The following CSGALNACT1 variants were observed in gnomAD, a reference collection of about 807,000 sequenced individuals.
The protein encoded by CSGALNACT1 is beta4GalNAcT-1.
Under a neutral mutation model 51.0 loss-of-function variants are expected in CSGALNACT1, and 52 were observed. That is an observed-to-expected ratio of 1.02 (90% confidence interval 0.82 to 1.29). The LOEUF is 1.29. Among genes scored for constraint, CSGALNACT1 ranks in the 50% most tolerant of loss-of-function variants. The pLI is 0.00. For missense variants in CSGALNACT1, 935 were observed against 679.2 expected (o/e 1.38, Z -4.19); for synonymous variants, 341 against 254.4 (o/e 1.34, Z -3.24).
intron 1 of CSGALNACT1, among the ~76,000 whole-genome samples, chr8:19,633,526 A>G (rs1392626342): frequency 6.6e-6 from 1 of 152,196 alleles, no homozygotes; most frequent in Non-Finnish European, 1.5e-5. Flanking sequence ...CCATATGGCT[A>G]TTGTCCTCTT....
chr8:19,469,081 T>C lies in CSGALNACT1; in HGVS notation c.635-10439A>G, dbSNP rs1246375950. On this transcript the variant is annotated intron_variant, in intron 4 of 9. Transcript: ENST00000454498. ...TGCCAACCACTGCACCAAGGTTAAC[T>C]AAGATAAGGATGAAATTGGCCCACT... Among the ~76,000 whole-genome samples, 7 of 152,216 alleles carry C rather than the reference T, an allele frequency of 4.6e-5. No individual in the cohort carries two copies. The East Asian group carries it at 1.4e-3, about 29-fold the overall frequency.
chr8:19,701,783 T>C (rs2061894160), intron 1 of CSGALNACT1, among the ~76,000 whole-genome samples: 1 of 152,184 alleles, frequency 6.6e-6, no homozygotes, highest in Non-Finnish European at 1.5e-5. Context: ...TTGTGGCTAA[T>C]AAGTGGTAAG....
chr8:19,745,852 G>A (rs2064625258), intron 1 of CSGALNACT1, among the ~76,000 whole-genome samples: 1 of 152,110 alleles, frequency 6.6e-6, no homozygotes, highest in Admixed American at 6.5e-5. Context: ...CTAAAATTAG[G>A]GGTTTATATA....
At chr8:19,409,500 T>TATAGAG (rs1021722551) in intron 8 of CSGALNACT1, among the ~76,000 whole-genome samples, 2 of 139,872 alleles carry the variant, frequency 1.4e-5, no homozygotes, top group African/African-American at 5.1e-5. Context: ...TATATATATA[T>TATAGAG]AGAGAGAGAG....
At chr8:19,494,186 T>C (rs2075005364) in intron 4 of CSGALNACT1, among the ~76,000 whole-genome samples, 1 of 152,158 alleles carries the variant, frequency 6.6e-6, no homozygotes, top group Non-Finnish European at 1.5e-5. Context: ...CCTATTATGT[T>C]CCTCCTTGAT....
chr8:19,589,937 G>T (rs2047438990), intron 3 of CSGALNACT1, among the ~76,000 whole-genome samples: 1 of 152,196 alleles, frequency 6.6e-6, no homozygotes, highest in African/African-American at 2.4e-5. Context: ...ACATAGTGTA[G>T]TTAAACAGTC....
rs1022401217 is a variant in CSGALNACT1 at position 19,461,780 on chromosome 8, G to C, written c.635-3138C>G. Among the ~76,000 whole-genome samples the C allele has an allele frequency of 6.6e-4, 74 of 111,668 alleles. 10 individuals carry two copies. Among genetic ancestry groups the C allele is most frequent in the East Asian group, 2.0e-3 (5 of 2,454 alleles). 73.3% of individuals were successfully genotyped at this position (111,668 alleles called of 152,430 possible). On this transcript the variant is annotated intron_variant, in intron 4 of 9. Coordinates refer to ENST00000454498, the Ensembl canonical transcript of CSGALNACT1. ...CCATGGAGGGCGTATCTGCACAGCA[G>C]CCACATTCACCATGGAGGGCGTATC...
chr8:19,582,986 C>A (rs2045905492), intron 3 of CSGALNACT1, among the ~76,000 whole-genome samples: 1 of 152,094 alleles, frequency 6.6e-6, no homozygotes, highest in African/African-American at 2.4e-5. Flanking sequence ...ATGGAATGGG[C>A]TAATAGCCAA....
intron 1 of CSGALNACT1, among the ~76,000 whole-genome samples, chr8:19,688,400 C>T (rs547245223): frequency 6.6e-6 from 1 of 152,290 alleles, no homozygotes; most frequent in Non-Finnish European, 1.5e-5. Context: ...CAAGTGGCCA[C>T]ACCCTGAAGG....
At chr8:19,747,243 G>A (rs1040139795) in intron 1 of CSGALNACT1, among the ~76,000 whole-genome samples, 1 of 150,516 alleles carries the variant, frequency 6.6e-6, no homozygotes, top group African/African-American at 2.4e-5. Flanking sequence ...TCAATGTCTT[G>A]AGTAGGAGAG....
At chr8:19,522,788 T>C (rs1461038967) in intron 3 of CSGALNACT1, among the ~76,000 whole-genome samples, 2 of 152,148 alleles carry the variant, frequency 1.3e-5, no homozygotes, top group East Asian at 3.8e-4. Flanking sequence ...AAAATATGAT[T>C]CAATACACTA....
chr8:19,636,019 T>C (rs781475414), intron 1 of CSGALNACT1, among the ~76,000 whole-genome samples: 5 of 152,116 alleles, frequency 3.3e-5, no homozygotes, highest in Non-Finnish European at 5.9e-5. Flanking sequence ...CATGAGCCTG[T>C]TCATTCATTT....
chr8:19,625,553 C>G (rs1243696358), intron 1 of CSGALNACT1, among the ~76,000 whole-genome samples: 2 of 152,164 alleles, frequency 1.3e-5, no homozygotes, highest in African/African-American at 4.8e-5. Flanking sequence ...GGTGCCTGAG[C>G]CTCACACCTT....
At chr8:19,658,920 G>A (rs1053767769) in intron 1 of CSGALNACT1, among the ~76,000 whole-genome samples, 1 of 152,136 alleles carries the variant, frequency 6.6e-6, no homozygotes, top group African/African-American at 2.4e-5. Context: ...ATAGGTCTTT[G>A]GGGCATGATA....
chr8:19,406,623 T>TAAAAAAA (rs33985548), intron 9 of CSGALNACT1, among the ~76,000 whole-genome samples: 1 of 72,148 alleles, frequency 1.4e-5, no homozygotes, highest in Non-Finnish European at 2.5e-5. Flanking sequence ...AGAGGTTTCG[T>TAAAAAAA]AAAAAAAAAA....
At chr8:19,751,449 GA>G (rs1252965405) in intron 1 of CSGALNACT1, among the ~76,000 whole-genome samples, 9 of 152,254 alleles carry the variant, frequency 5.9e-5, no homozygotes, top group African/African-American at 1.9e-4. Context: ...AACCTTAAAT[GA>G]ATTACTTACC....
chr8:19,452,565 A>G (rs1036861835), intron 5 of CSGALNACT1, among the ~76,000 whole-genome samples: 4 of 152,322 alleles, frequency 2.6e-5, no homozygotes, highest in Admixed American at 2.6e-4. Flanking sequence ...TCTCCCCCAC[A>G]TCCCACAGAA....
chr8:19,584,309 G>C (rs527266945), intron 3 of CSGALNACT1, among the ~76,000 whole-genome samples: 49 of 152,312 alleles, frequency 3.2e-4, no homozygotes, highest in African/African-American at 1.1e-3. Flanking sequence ...CTGTAATTAA[G>C]TTATGCAGCC....
intron 1 of CSGALNACT1, among the ~76,000 whole-genome samples, chr8:19,739,696 G>A (rs894388383): frequency 6.6e-6 from 1 of 152,156 alleles, no homozygotes; most frequent in African/African-American, 2.4e-5. Context: ...TGATGTGATG[G>A]CTGGAGCTTT....
Sources: gnomAD v4.1 joint callset for allele counts (sites outside exome capture counted in the v4.1 genomes callset) on GRCh38, gnomAD v4.1.1 for gene constraint, MANE v1.5 for transcripts, NCBI Gene and HGNC (gene_info 2026-07-23, HGNC 2026-07-21) for gene names.